Variants in DGUOK observed in about 807,000 individuals in gnomAD.
DGUOK encodes deoxyguanosine kinase.
A neutral mutation model predicts 36.6 loss-of-function variants in DGUOK; 30 were observed. The ratio of observed to expected loss-of-function variants is 0.82; its 90% confidence interval spans 0.61 to 1.11. The LOEUF (loss-of-function observed/expected upper bound fraction) is 1.11, where lower values mean the gene tolerates loss of function less well. Ranked by LOEUF, DGUOK falls within the 50% of genes most tolerant of loss-of-function variation. DGUOK has a pLI of 0.00. For missense variants in DGUOK, 361 were observed against 336.4 expected, an observed-to-expected ratio of 1.07 and a Z score of -0.57; for synonymous variants, 145 against 126.3, an observed-to-expected ratio of 1.15 and a Z score of -0.99.
At chr2:73,955,641 G>A (rs770584899) in intron 4 of DGUOK, among the ~76,000 whole-genome samples, 9 of 152,296 alleles carry the variant, frequency 5.9e-5, no homozygotes, top group Non-Finnish European at 1.2e-4. Flanking sequence ...TTGAGAAGCC[G>A]AAGCGGGCAG....
intron 6 of DGUOK, 64 bp from the exon 7 acceptor site, chr2:73,958,646 G>A: frequency 7.2e-7 from 1 of 1,386,746 alleles, no homozygotes; most frequent in Non-Finnish European, 1.0e-6. Context: ...ATGCATTGGG[G>A]GTGGACCATT....
chr2:73,929,605 A>G lies in DGUOK; in HGVS notation c.142+2553A>G, dbSNP rs552899238. ...TATGAAACTGGGGAGATGGGAAGGA[A>G]TAAGCAGAGACTGAGAAGGAATGCC... On this transcript the variant is annotated intron_variant, in intron 1 of 6. Transcript: ENST00000264093. Among the ~76,000 whole-genome samples the G allele has an allele frequency of 2.0e-5, 3 of 152,334 alleles. No homozygotes were observed. The East Asian group carries it at 5.8e-4, about 29-fold the overall frequency.
chr2:73,927,390 A>G (rs1195408108), intron 1 of DGUOK, among the ~76,000 whole-genome samples: 1 of 152,248 alleles, frequency 6.6e-6, no homozygotes, highest in Non-Finnish European at 1.5e-5. Context: ...TAGGGTTGCC[A>G]TATTTAGCAG....
At chr2:73,941,246 C>T (rs1270085487) in intron 2 of DGUOK, among the ~76,000 whole-genome samples, 2 of 152,184 alleles carry the variant, frequency 1.3e-5, no homozygotes, top group African/African-American at 4.8e-5. Flanking sequence ...CTTCATACAA[C>T]TGTAGCCTCA....
At position 73,946,800 on chromosome 2, in the gene DGUOK, T is replaced by C. The variant is rs141810774; in HGVS notation, c.337T>C (p.Phe113Leu). ...ACGATGGTCCTACACATTCCAGACA[T>C]TTTCCTTTTTGAGCCGCCTGAAAGT... is the stretch of plus-strand genomic sequence containing the variant. Reference protein sequence around the residue: ...PARWSYTFQTFSFLSRLKVQL... With the variant: ...PARWSYTFQTLSFLSRLKVQL... Residue 113 changes from phenylalanine to leucine, a missense_variant, in exon 3 of 7, where the codon TTT (phenylalanine) becomes CTT (leucine). Physicochemically the swap from Phe to Leu is conservative, Grantham distance 22 (BLOSUM62 0). Coordinates refer to ENST00000264093, the MANE Select transcript of DGUOK (RefSeq NM_080916.3). 118 of 1,614,106 alleles carry C rather than the reference T, an allele frequency of 7.3e-5. No homozygotes were observed. In the East Asian group the frequency reaches 1.6e-3, roughly 21 times the overall value.
chr2:73,941,073 G>T (rs2104917418), intron 2 of DGUOK, among the ~76,000 whole-genome samples: 1 of 152,286 alleles, frequency 6.6e-6, no homozygotes, highest in Admixed American at 6.5e-5. Context: ...ACCTTTCTAG[G>T]GTAGGTCATA....
Position 73,958,170 on chromosome 2 carries a change from C to T in DGUOK, c.732C>T (p.Asn244=), listed in dbSNP as rs1683267564. Residue 244 remains asparagine, a synonymous_variant, in exon 6 of 7, where the codon AAC becomes AAT. Coordinates refer to ENST00000264093, the MANE Select transcript of DGUOK (RefSeq NM_080916.3). ...TTKLHFEALM[N]IPVLVLDVND... ...GGCTCCACTTTGAGGCTCTGATGAA[C>T]ATTCCAGTGCTGGTGTTGGATGTCA... is the stretch of plus-strand genomic sequence containing the variant. 1.2e-6 allele frequency: 2 copies of T among 1,613,698 alleles called. No homozygotes were observed. Among genetic ancestry groups the T allele is most frequent in the African/African-American group, 2.7e-5 (2 of 74,934 alleles).
At chr2:73,957,037 T>G in intron 4 of DGUOK, 88 bp from the exon 5 acceptor site, 2 of 851,026 alleles carry the variant, frequency 2.4e-6, no homozygotes, top group African/African-American at 1.7e-5. Flanking sequence ...AAGATAGACA[T>G]TATGGGTGGG....
intron 1 of DGUOK, among the ~76,000 whole-genome samples, chr2:73,936,582 A>T (rs552006589): frequency 2.0e-5 from 3 of 152,338 alleles, no homozygotes; most frequent in East Asian, 3.9e-4. Context: ...CAGCACCCCA[A>T]TCAGTAACCA....
At chr2:73,938,754 G>A (rs1681667740) in intron 1 of DGUOK, among the ~76,000 whole-genome samples, 156 bp from the exon 2 acceptor site, 1 of 152,204 alleles carries the variant, frequency 6.6e-6, no homozygotes, top group Admixed American at 6.5e-5. Flanking sequence ...GAATTGATCT[G>A]TTATCAGTCT....
intron 2 of DGUOK, among the ~76,000 whole-genome samples, chr2:73,941,702 T>G (rs1681914131): frequency 6.6e-6 from 1 of 152,154 alleles, no homozygotes; most frequent in African/African-American, 2.4e-5. Flanking sequence ...TAAGCAGTGT[T>G]GCAATGATGA....
At chr2:73,945,704 CT>C (rs1461764177) in intron 2 of DGUOK, among the ~76,000 whole-genome samples, 2 of 152,200 alleles carry the variant, frequency 1.3e-5, no homozygotes, top group African/African-American at 2.4e-5. Flanking sequence ...ATCCAAAGTG[CT>C]TTTGTACAAA....
At chr2:73,955,602 C>T (rs1048450732) in intron 4 of DGUOK, among the ~76,000 whole-genome samples, 1 of 152,138 alleles carries the variant, frequency 6.6e-6, no homozygotes, top group African/African-American at 2.4e-5. Flanking sequence ...TGGCCGGGCA[C>T]GGTGGCTCAC....
intron 3 of DGUOK, among the ~76,000 whole-genome samples, chr2:73,949,209 C>T (rs1682543289): frequency 1.3e-5 from 2 of 152,200 alleles, no homozygotes; most frequent in Admixed American, 6.5e-5. Context: ...GCCTCAGCCT[C>T]CAAAAGTGCT....
chr2:73,947,814 T>A (rs1477062283), intron 3 of DGUOK: 2 of 152,236 alleles, frequency 1.3e-5, no homozygotes, highest in African/African-American at 4.8e-5. Flanking sequence ...TAAGGCTCTT[T>A]GAATTATCAA....
chr2:73,944,784 T>C (rs1450695424), intron 2 of DGUOK, among the ~76,000 whole-genome samples: 1 of 152,202 alleles, frequency 6.6e-6, no homozygotes, highest in South Asian at 2.1e-4. Flanking sequence ...CTATTGCATC[T>C]GCCAGCACAG....
chr2:73,946,954 G>C, intron 3 of DGUOK, 48 bp downstream of exon 3: 2 of 1,528,702 alleles, frequency 1.3e-6, no homozygotes, highest in Non-Finnish European at 1.8e-6. Flanking sequence ...GCTCAGTGCT[G>C]CCTGTTTGAT....
intron 1 of DGUOK, among the ~76,000 whole-genome samples, chr2:73,935,065 C>T (rs1408784903): frequency 7.1e-6 from 1 of 141,372 alleles, no homozygotes; most frequent in African/African-American, 2.6e-5. Flanking sequence ...AACAGCTAGA[C>T]TCTGTCTCAA....
intron 1 of DGUOK, among the ~76,000 whole-genome samples, chr2:73,931,577 A>T (rs1235575079): frequency 6.6e-6 from 1 of 152,226 alleles, no homozygotes; most frequent in Non-Finnish European, 1.5e-5. Context: ...ATGCTAGTTT[A>T]TCCTGTTGGC....
Sources: gnomAD v4.1 joint callset for allele counts (sites outside exome capture counted in the v4.1 genomes callset) on GRCh38, gnomAD v4.1.1 for gene constraint, MANE v1.5 for transcripts, NCBI Gene and HGNC (gene_info 2026-07-23, HGNC 2026-07-21) for gene names.